Variants in LRFN2 observed in about 807,000 individuals in gnomAD.
LRFN2 encodes the protein leucine rich repeat and fibronectin type III domain containing 2.
A neutral mutation model predicts 37.3 loss-of-function variants in LRFN2; 18 were observed. The observed-to-expected ratio is 0.48, with a 90% CI of 0.33 to 0.72. The LOEUF is 0.72. LRFN2 is among the 30% of genes least tolerant of loss of function. The pLI is 0.02. For missense variants in LRFN2, 1,006 were observed against 1,060.7 expected, an observed-to-expected ratio of 0.95 and a Z score of 0.72; for synonymous variants, 556 against 466.6, an observed-to-expected ratio of 1.19 and a Z score of -2.47.
intron 1 of LRFN2, among the ~76,000 whole-genome samples, chr6:40,458,092 G>A (rs1324739134): frequency 6.6e-6 from 1 of 152,142 alleles, no homozygotes; most frequent in Non-Finnish European, 1.5e-5. Flanking sequence ...ATTGGAGGCC[G>A]CTTGTTACTA....
intron 1 of LRFN2, among the ~76,000 whole-genome samples, chr6:40,585,201 C>T (rs1044087805): frequency 1.3e-5 from 2 of 152,142 alleles, no homozygotes; most frequent in Admixed American, 1.3e-4. Flanking sequence ...GTTTGCATCC[C>T]CAGGATGAGG....
chr6:40,544,834 T>TAAGC (rs1454114160), intron 1 of LRFN2, among the ~76,000 whole-genome samples: 1 of 152,222 alleles, frequency 6.6e-6, no homozygotes, highest in Non-Finnish European at 1.5e-5. Flanking sequence ...TGTGTGACCC[T>TAAGC]AAGCAAGGTT....
intron 1 of LRFN2, among the ~76,000 whole-genome samples, chr6:40,582,745 C>T (rs1015719059): frequency 2.9e-5 from 4 of 135,966 alleles, no homozygotes; most frequent in Non-Finnish European, 6.4e-5. Flanking sequence ...TAAATCATGA[C>T]ATGGGTAGAC....
chr6:40,463,065 A>G (rs1764379938), intron 1 of LRFN2, among the ~76,000 whole-genome samples: 2 of 152,176 alleles, frequency 1.3e-5, no homozygotes, highest in Non-Finnish European at 2.9e-5. Flanking sequence ...CTGGAATGTG[A>G]ATGTGACAGA....
chr6:40,419,408 C>T (rs1409836237), intron 2 of LRFN2, among the ~76,000 whole-genome samples: 1 of 152,146 alleles, frequency 6.6e-6, no homozygotes, highest in Non-Finnish European at 1.5e-5. Context: ...AACCACTACC[C>T]CTCTCCTGGG....
At chr6:40,486,674 G>T (rs143831927) in intron 1 of LRFN2, among the ~76,000 whole-genome samples, 1 of 152,150 alleles carries the variant, frequency 6.6e-6, no homozygotes, top group Admixed American at 6.5e-5. Flanking sequence ...AGGGATTTAC[G>T]CAGTGAAAGC....
rs562274296 is a variant in LRFN2, at chr6:40,428,749, T to A, written c.1400+2965A>T. Among the ~76,000 whole-genome samples, 5 of 152,342 alleles carry A rather than the reference T, an allele frequency of 3.3e-5. No homozygotes were observed. The East Asian group carries it at 9.6e-4, about 29-fold the overall frequency. On this transcript the variant is annotated intron_variant, in intron 2 of 2. Transcript: ENST00000338305. ...AGATACTGCCTGTAAAAGCTAAGCA[T>A]CAAACACATAGTAGCCTGGCAGTAA...
rs1463392575 is a variant in LRFN2, at chr6:40,432,867, G to T, written c.247C>A (p.Leu83Met). Residue 83 changes from leucine to methionine, a missense_variant, in exon 2 of 3, where the codon CTG becomes ATG. Transcript: ENST00000338305. ...ATGTGGCTGATGGTGTTCCTGGACA[G>T]GGTCAGGTCCACCAGCCCCGTCATG... is the stretch of plus-strand genomic sequence containing the variant. ...ANMTGLVDLT[L>M]SRNTISHIQP... 1 of 1,614,248 alleles carries T rather than the reference G, an allele frequency of 6.2e-7. No individual in the cohort carries two copies. The highest frequency in any genetic ancestry group is 8.5e-7 in the Non-Finnish European group (1 of 1,180,042).
chr6:40,425,032 G>T (rs978905010), intron 2 of LRFN2, among the ~76,000 whole-genome samples: 3 of 152,206 alleles, frequency 2.0e-5, no homozygotes, highest in African/African-American at 7.2e-5. Context: ...CTGCCCTCTT[G>T]TCCTTTCCCC....
intron 1 of LRFN2, among the ~76,000 whole-genome samples, chr6:40,484,071 C>A (rs1764895565): frequency 6.6e-6 from 1 of 152,222 alleles, no homozygotes; most frequent in Admixed American, 6.5e-5. Context: ...GAGGGGCTTT[C>A]TGTGTACCCA....
intron 1 of LRFN2, among the ~76,000 whole-genome samples, chr6:40,487,533 C>G (rs1030687528): frequency 6.6e-6 from 1 of 152,230 alleles, no homozygotes. Flanking sequence ...ATGCACACAT[C>G]CCGAAAAAGT....
intron 1 of LRFN2, among the ~76,000 whole-genome samples, chr6:40,512,937 T>C (rs1765754530): frequency 6.6e-6 from 1 of 152,130 alleles, no homozygotes. Context: ...GCCTACAAAA[T>C]TCAGTCTCCT....
chr6:40,414,214 G>A (rs1390109061), intron 2 of LRFN2, among the ~76,000 whole-genome samples: 1 of 152,132 alleles, frequency 6.6e-6, no homozygotes, highest in Non-Finnish European at 1.5e-5. Flanking sequence ...CCTCCCAGGG[G>A]GCTATGAAGG....
intron 1 of LRFN2, among the ~76,000 whole-genome samples, chr6:40,495,626 A>G (rs1315158040): frequency 2.0e-5 from 3 of 151,892 alleles, no homozygotes; most frequent in Non-Finnish European, 2.9e-5. Flanking sequence ...ATCATCTAGA[A>G]CCCTCCAGGG....
intron 1 of LRFN2, among the ~76,000 whole-genome samples, chr6:40,433,436 T>C (rs1035945310): frequency 2.0e-5 from 3 of 152,238 alleles, no homozygotes; most frequent in Non-Finnish European, 4.4e-5. Flanking sequence ...GTTTTACTAA[T>C]TGCTGTATCC....
chr6:40,415,346 C>G (rs936470529), intron 2 of LRFN2, among the ~76,000 whole-genome samples: 6 of 152,112 alleles, frequency 3.9e-5, no homozygotes, highest in Non-Finnish European at 7.3e-5. Flanking sequence ...CTGCCTCAGC[C>G]CCCCAAGTAC....
At chr6:40,393,304 G>GAGGATGTGTCAGAGACCA (rs1295688512) in intron 2 of LRFN2, among the ~76,000 whole-genome samples, 11 of 152,020 alleles carry the variant, frequency 7.2e-5, no homozygotes, top group African/African-American at 1.2e-4. Context: ...GGTATAGACC[G>GAGGATGTGTCAGAGACCA]AGGATGTGTC....
At chr6:40,437,015 T>C (rs920819724) in intron 1 of LRFN2, among the ~76,000 whole-genome samples, 2 of 152,312 alleles carry the variant, frequency 1.3e-5, no homozygotes, top group Admixed American at 1.3e-4. Flanking sequence ...TGTGTGTATG[T>C]GTATGGGGTA....
chr6:40,573,838 C>T (rs537767077), intron 1 of LRFN2, among the ~76,000 whole-genome samples: 1 of 152,240 alleles, frequency 6.6e-6, no homozygotes, highest in African/African-American at 2.4e-5. Context: ...ATTAGCCAGG[C>T]ATGGTGATGC....
Sources: gnomAD v4.1 joint callset for allele counts (sites outside exome capture counted in the v4.1 genomes callset) on GRCh38, gnomAD v4.1.1 for gene constraint, MANE v1.5 for transcripts, NCBI Gene and HGNC (gene_info 2026-07-23, HGNC 2026-07-21) for gene names.